Variants in SOX13 observed in about 807,000 individuals in gnomAD.
SOX13 encodes the protein SRY-box transcription factor 13, also known as transcription factor SOX-13.
SOX13 carries 28 observed loss-of-function variants against 71.8 expected under a neutral mutation model. The observed-to-expected ratio is 0.39, with a 90% CI of 0.29 to 0.53. The LOEUF (loss-of-function observed/expected upper bound fraction) is 0.53, where lower values mean the gene tolerates loss of function less well. SOX13 is among the 20% of genes least tolerant of loss of function. The pLI, the probability that SOX13 is intolerant of heterozygous loss-of-function variation, is 0.70. For synonymous variants in SOX13, 309 were observed against 317.8 expected (o/e 0.97, Z 0.29); for missense variants, 627 against 810.3 (o/e 0.77, Z 2.75).
chr1:204,105,538 T>G (rs4951042), intron 1 of SOX13, among the ~76,000 whole-genome samples: 1 of 151,692 alleles, frequency 6.6e-6, no homozygotes, highest in African/African-American at 2.4e-5. Context: ...CCTGAGTAGC[T>G]GGGATTACAG....
At position 204,109,472 on chromosome 1, in the gene SOX13, C is replaced by T. The variant is rs80097590; in HGVS notation, c.-1-3443C>T. On this transcript the variant is annotated intron_variant, in intron 1 of 13. Coordinates refer to ENST00000367204, the MANE Select transcript of SOX13 (RefSeq NM_005686.3). ...TTAACCATTGCATTACAATTACCTA[C>T]GGTATTCAGTACAATAACATGCTGT... is the stretch of plus-strand genomic sequence containing the variant. Among the ~76,000 whole-genome samples the T allele has an allele frequency of 2.8e-3, 430 of 152,302 alleles. 5 individuals are homozygous for T. Among genetic ancestry groups the T allele is most frequent in the East Asian group, 0.026 (135 of 5,184 alleles).
intron 1 of SOX13, among the ~76,000 whole-genome samples, chr1:204,097,559 C>CGG (rs1553296371): frequency 2.0e-5 from 3 of 151,618 alleles, no homozygotes. Context: ...GGCGTGGTGG[C>CGG]GCATGCCTGT....
At position 204,073,534 on chromosome 1, in the gene SOX13, G is replaced by A. The variant is rs1330130924; in HGVS notation, c.-179G>A. 1 of 151,578 alleles carries A rather than the reference G, an allele frequency of 6.6e-6. No individual in the cohort carries two copies. Among genetic ancestry groups the A allele is most frequent in the East Asian group, 2.0e-4 (1 of 5,100 alleles). The allele number at this position is 151,578 out of a possible 1,614,324, so 9.4% of individuals were successfully genotyped here. On this transcript the variant is annotated 5_prime_UTR_variant, in exon 1 of 14. Coordinates refer to ENST00000367204, the MANE Select transcript of SOX13 (RefSeq NM_005686.3). This position sits in a 1 kb window ranked among gnomAD's most constrained non-coding sequence, Gnocchi z 6.8. Reference sequence around the variant, plus strand: ...GGCCGTGGGTCCGCAGCGACTCCCCGGCCGACGGCGGGGGGCGTGCCCCCT... The same window carrying A: ...GGCCGTGGGTCCGCAGCGACTCCCCAGCCGACGGCGGGGGGCGTGCCCCCT...
chr1:204,102,130 A>G (rs1446234209), intron 1 of SOX13, among the ~76,000 whole-genome samples: 2 of 152,164 alleles, frequency 1.3e-5, no homozygotes, highest in African/African-American at 2.4e-5. Flanking sequence ...CTTAGTCTAC[A>G]TGGCTTAGAC....
At chr1:204,122,070 C>A in intron 8 of SOX13, 85 bp downstream of exon 8, 1 of 1,064,232 alleles carries the variant, frequency 9.4e-7, no homozygotes, top group Non-Finnish European at 1.4e-6. Flanking sequence ...GGGGTGTGGA[C>A]TGGTGAGCCC....
chr1:204,121,747 A>T, intron 7 of SOX13, 153 bp from the exon 8 acceptor site: 1 of 698,704 alleles, frequency 1.4e-6, no homozygotes, highest in Non-Finnish European at 2.6e-6. Context: ...GGAGCCTCCA[A>T]GCAGTGCTTT....
At chr1:204,110,782 A>G (rs748652652) in intron 1 of SOX13, among the ~76,000 whole-genome samples, 3 of 152,170 alleles carry the variant, frequency 2.0e-5, no homozygotes, top group Non-Finnish European at 4.4e-5. Context: ...TACAGAGCTG[A>G]TGCAGTATTT....
In SOX13 at chr1:204,117,619, C is replaced by T. The variant is rs561788252; in HGVS notation, c.687C>T (p.Ile229=). 1.4e-5 allele frequency: 22 copies of T among 1,612,950 alleles called. No homozygotes were observed. In the East Asian group the frequency reaches 4.7e-4, roughly 34 times the overall value. ...AGGTTAACATGCCTTATGTCATGATCCCAGCCTTCCCCCCAAGCCACCAAC... is the reference window on the plus strand; with the variant it reads ...AGGTTAACATGCCTTATGTCATGATTCCAGCCTTCCCCCCAAGCCACCAAC... ...IQQVNMPYVM[I]PAFPPSHQPL... Residue 229 remains isoleucine (I), a synonymous_variant, in exon 7 of 14, where the codon ATC becomes ATT. Transcript: ENST00000367204.
chr1:204,123,751 A>G lies in SOX13; in HGVS notation c.1322A>G (p.Lys441Arg). The G allele has an allele frequency of 6.2e-7, 1 of 1,614,196 alleles. No homozygotes were observed. The change falls in exon 12 of 14, where the codon AAG (lysine) becomes AGG (arginine). Residue 441 changes from lysine to arginine, a missense_variant. Transcript: ENST00000367204. The surrounding 1 kb of genome is among the most constrained non-coding windows in gnomAD (Gnocchi z 5.0). ...GTGTGGGCCAAGGATGAGCGGAGGAAGATCCTGCAAGCCTTCCCAGACATG... is the reference window on the plus strand; with the variant it reads ...GTGTGGGCCAAGGATGAGCGGAGGAGGATCCTGCAAGCCTTCCCAGACATG... Reference protein sequence around the residue: ...FMVWAKDERRKILQAFPDMHN... With the variant: ...FMVWAKDERRRILQAFPDMHN...
intron 1 of SOX13, among the ~76,000 whole-genome samples, chr1:204,089,665 G>A (rs1656100826): frequency 2.0e-5 from 3 of 152,208 alleles, no homozygotes; most frequent in Non-Finnish European, 4.4e-5. Flanking sequence ...TGAGATCAGG[G>A]CAGTAGATAG....
At chr1:204,116,257 C>T (rs1656691390) in intron 4 of SOX13, 3 of 1,459,996 alleles carry the variant, frequency 2.1e-6, no homozygotes, top group African/African-American at 1.4e-5. Flanking sequence ...GTCCCACTGT[C>T]AGCATTTTCA....
chr1:204,092,848 C>T (rs145300114), intron 1 of SOX13, among the ~76,000 whole-genome samples: 7 of 152,248 alleles, frequency 4.6e-5, no homozygotes, highest in African/African-American at 1.2e-4. Flanking sequence ...TTGGTTGCTA[C>T]GTGCAGATTT....
intron 1 of SOX13, among the ~76,000 whole-genome samples, chr1:204,091,647 CTG>C (rs2102232422): frequency 6.6e-6 from 1 of 152,280 alleles, no homozygotes; most frequent in East Asian, 1.9e-4. Flanking sequence ...TGAAATCAGA[CTG>C]GGGTTTGAGT....
At chr1:204,088,989 G>C (rs1428648289) in intron 1 of SOX13, among the ~76,000 whole-genome samples, 4 of 152,302 alleles carry the variant, frequency 2.6e-5, no homozygotes, top group South Asian at 2.1e-4. Flanking sequence ...CCCTCTCAGC[G>C]ATTGTGACCA....
intron 8 of SOX13, 78 bp downstream of exon 8, chr1:204,122,063 G>A (rs1656818499): frequency 1.8e-6 from 2 of 1,113,672 alleles, no homozygotes; most frequent in Admixed American, 2.1e-5. Context: ...GAACTGCGGG[G>A]TGTGGACTGG....
At chr1:204,124,921 C>T in intron 13 of SOX13, 64 bp downstream of exon 13, 1 of 1,253,462 alleles carries the variant, frequency 8.0e-7, no homozygotes, top group African/African-American at 1.5e-5. Flanking sequence ...TCATGAGTGG[C>T]TGGGTGTCAG....
intron 7 of SOX13, chr1:204,119,186 T>C (rs1656753676): frequency 6.6e-6 from 1 of 152,358 alleles, no homozygotes; most frequent in South Asian, 2.1e-4. Context: ...TGCCGGGCAC[T>C]GTAGGGTGGT....
At chr1:204,091,733 C>CGTGTGCGT (rs1656149505) in intron 1 of SOX13, among the ~76,000 whole-genome samples, 1 of 150,276 alleles carries the variant, frequency 6.7e-6, no homozygotes, top group Non-Finnish European at 1.5e-5. Context: ...TGTGCGTGTG[C>CGTGTGCGT]GTGTGTGTGT....
chr1:204,116,228 G>C (rs150309732), intron 4 of SOX13: 1 of 1,405,422 alleles, frequency 7.1e-7, no homozygotes, highest in African/African-American at 1.4e-5. Flanking sequence ...GAAGAGGCCT[G>C]GGGCTCTGGG....
Sources: gnomAD v4.1 joint callset for allele counts (sites outside exome capture counted in the v4.1 genomes callset) on GRCh38, gnomAD v4.1.1 for gene constraint, Gnocchi (gnomAD v3.1) non-coding constraint, MANE v1.5 for transcripts, NCBI Gene and HGNC (gene_info 2026-07-23, HGNC 2026-07-21) for gene names.